The following CTR9 variants were observed in gnomAD, a reference collection of about 807,000 sequenced individuals.
CTR9 encodes the protein RNA polymerase-associated protein CTR9 homolog.
A neutral mutation model predicts 152.1 loss-of-function variants in CTR9; 41 were observed. The ratio of observed to expected loss-of-function variants is 0.27; its 90% CI spans 0.21 to 0.35. The LOEUF (loss-of-function observed/expected upper bound fraction) is 0.35, where lower values mean the gene tolerates loss of function less well. CTR9 is among the 10% of genes least tolerant of loss of function. CTR9 has a pLI of 1.00. For synonymous variants in CTR9, 476 were observed against 496.2 expected, an observed-to-expected ratio of 0.96 and a Z score of 0.54; for missense variants, 917 against 1,424.4, an observed-to-expected ratio of 0.64 and a Z score of 5.73.
chr11:10,759,668 T>A (rs758671028), intron 5 of CTR9, among the ~76,000 whole-genome samples: 1 of 152,228 alleles, frequency 6.6e-6, no homozygotes, highest in Non-Finnish European at 1.5e-5. Flanking sequence ...GCTGGAGCAG[T>A]ATTCTTAAAT....
chr11:10,763,919 C>G, intron 9 of CTR9, 40 bp downstream of exon 9: 2 of 1,494,564 alleles, frequency 1.3e-6, no homozygotes, highest in Non-Finnish European at 1.8e-6. Flanking sequence ...TTTCTGTTAG[C>G]TGTCCCAAAA....
chr11:10,759,532 A>C (rs1862942084), intron 5 of CTR9, among the ~76,000 whole-genome samples: 1 of 152,240 alleles, frequency 6.6e-6, no homozygotes, highest in African/African-American at 2.4e-5. Context: ...TTTGCTATTG[A>C]AGAACAGACA....
intron 6 of CTR9, 130 bp downstream of exon 6, chr11:10,760,451 G>C (rs1862958742): frequency 1.2e-6 from 1 of 846,738 alleles, no homozygotes; most frequent in East Asian, 2.6e-5. Context: ...CCTGTACTTT[G>C]TAATGTATAA....
At chr11:10,754,545 A>G (rs1243870797) in intron 2 of CTR9, among the ~76,000 whole-genome samples, 1 of 152,202 alleles carries the variant, frequency 6.6e-6, no homozygotes, top group Non-Finnish European at 1.5e-5. Context: ...TCACCTTCTG[A>G]AAGTGTCCTC....
Position 10,758,317 on chromosome 11 carries a change from G to C in CTR9, c.592+1479G>C, listed in dbSNP as rs114199228. 7.7e-3 allele frequency among the ~76,000 whole-genome samples: 1,168 copies of C among 152,270 alleles called. 17 individuals carry two copies. Among genetic ancestry groups the C allele is most frequent in the African/African-American group, 0.027 (1,115 of 41,550 alleles). The stretch of plus-strand genomic sequence containing the variant: ...GGGGAGGGGGTCAAGGACAGAAGTA[G>C]GGAGAGCAGGGAGAAGGCATCTGCA... On this transcript the variant is annotated intron_variant, in intron 5 of 24. Transcript: ENST00000361367.
rs1161569998 is a variant in CTR9, at chr11:10,775,313, T to A, written c.2982+10T>A. The A allele has an allele frequency of 6.2e-7, 1 of 1,610,938 alleles. No homozygotes were observed. On this transcript the variant is annotated intron_variant, in intron 23 of 24. Coordinates refer to ENST00000361367, the MANE Select transcript of CTR9 (RefSeq NM_014633.5). ...AGAGAAGAAAAAGGCTGTAAGTTTA[T>A]AGTACTGTGTTTTTCTGTCCCCTAG...
intron 11 of CTR9, 24 bp from the exon 12 acceptor site, chr11:10,764,524 C>T: frequency 6.2e-7 from 1 of 1,603,996 alleles, no homozygotes; most frequent in South Asian, 1.1e-5. Context: ...AATCTTTTAA[C>T]AGTGTGATTT....
At chr11:10,752,566 A>G (rs1480436240) in intron 1 of CTR9, 106 bp from the exon 2 acceptor site, 10 of 758,150 alleles carry the variant, frequency 1.3e-5, no homozygotes, top group Non-Finnish European at 2.1e-5. Flanking sequence ...GAAAGTGAAC[A>G]CGTACTCTAT....
At chr11:10,755,998 A>AAT (rs1862877849) in intron 4 of CTR9, among the ~76,000 whole-genome samples, 1 of 152,242 alleles carries the variant, frequency 6.6e-6, no homozygotes, top group East Asian at 1.9e-4. Context: ...TTTATTATTT[A>AAT]GGCCAGGCAT....
At chr11:10,755,857 C>A in intron 4 of CTR9, 62 bp downstream of exon 4, 2 of 948,816 alleles carry the variant, frequency 2.1e-6, no homozygotes, top group South Asian at 1.5e-5. Flanking sequence ...TAGAATATAT[C>A]TCTTGGTAAT....
At chr11:10,776,427 G>C (rs2135386640) in intron 24 of CTR9, among the ~76,000 whole-genome samples, 2 of 152,294 alleles carry the variant, frequency 1.3e-5, no homozygotes, top group African/African-American at 4.8e-5. Flanking sequence ...AGCAATACTT[G>C]ATTTTATTTG....
In CTR9 at chr11:10,779,118, C is replaced by A; in HGVS notation, c.*13C>A. ...TGATAGTGACTAGGTTTTATTTCAT[C>A]AATAAGCTTCATCTCTGGAGGAAAC... On this transcript the variant is annotated 3_prime_UTR_variant, in exon 25 of 25. Transcript: ENST00000361367. The A allele has an allele frequency of 6.3e-7, 1 of 1,577,900 alleles. No individual in the cohort carries two copies. Among genetic ancestry groups the A allele is most frequent in the Non-Finnish European group, 8.6e-7 (1 of 1,158,832 alleles).
Position 10,764,536 on chromosome 11 carries a change from T to A in CTR9, c.1414-12T>A. On this transcript the variant is annotated splice_polypyrimidine_tract_variant and intron_variant, in intron 11 of 24. Coordinates refer to ENST00000361367, the MANE Select transcript of CTR9 (RefSeq NM_014633.5). ...CTAAATCTTTTAACAGTGTGATTTT[T>A]CTTTCTCATAGAAATATTTTTTGGC... 6.2e-7 allele frequency: 1 copy of A among 1,603,830 alleles called. No individual in the cohort carries two copies. Among genetic ancestry groups the A allele is most frequent in the Non-Finnish European group, 8.5e-7 (1 of 1,172,550 alleles).
chr11:10,768,927 A>G (rs1475406179), intron 16 of CTR9, among the ~76,000 whole-genome samples: 2 of 152,202 alleles, frequency 1.3e-5, no homozygotes, highest in African/African-American at 4.8e-5. Context: ...ATTTAAAAGA[A>G]AACAGGCCAG....
At chr11:10,773,569 C>T (rs1863178044) in intron 21 of CTR9, among the ~76,000 whole-genome samples, 1 of 152,080 alleles carries the variant, frequency 6.6e-6, no homozygotes, top group Non-Finnish European at 1.5e-5. Context: ...TAGCCAAGAA[C>T]CTCTTCCACG....
At chr11:10,760,451 G>T (rs1862958742) in intron 6 of CTR9, 130 bp downstream of exon 6, 2 of 846,738 alleles carry the variant, frequency 2.4e-6, no homozygotes, top group Non-Finnish European at 3.6e-6. Flanking sequence ...CCTGTACTTT[G>T]TAATGTATAA....
rs766606789 is a variant in CTR9, at chr11:10,778,998, G to C, written c.3415G>C (p.Asp1139His). 6.2e-7 allele frequency: 1 copy of C among 1,614,182 alleles called. No individual in the cohort carries two copies. Among genetic ancestry groups the C allele is most frequent in the Non-Finnish European group, 8.5e-7 (1 of 1,180,050 alleles). ...ESDHESERGS[D>H]NEGSGQGSGN... ...AGATCACGAATCGGAGAGAGGATCT[G>C]ATAATGAGGGTTCTGGCCAAGGCTC... The change falls in exon 25 of 25, where the codon GAT becomes CAT. Residue 1139 changes from aspartate to histidine, a missense_variant. This residue lies in a region of CTR9 where 384 missense variants were observed against 398.4 expected (regional missense o/e 0.96). Coordinates refer to ENST00000361367, the MANE Select transcript of CTR9 (RefSeq NM_014633.5).
chr11:10,766,610 C>G, intron 13 of CTR9, 120 bp downstream of exon 13: 2 of 685,788 alleles, frequency 2.9e-6, no homozygotes, highest in South Asian at 4.3e-5. Flanking sequence ...GTTTTGTTTT[C>G]ATTTACTTGT....
intron 7 of CTR9, among the ~76,000 whole-genome samples, 177 bp downstream of exon 7, chr11:10,762,231 T>G (rs1862989585): frequency 1.3e-5 from 2 of 152,228 alleles, no homozygotes; most frequent in African/African-American, 4.8e-5. Flanking sequence ...ATTCATTTAT[T>G]TGCTTAATAT....
Sources: gnomAD v4.1 joint callset for allele counts (sites outside exome capture counted in the v4.1 genomes callset) on GRCh38, gnomAD v4.1.1 for gene constraint, gnomAD v4.1.1 regional missense constraint, MANE v1.5 for transcripts, NCBI Gene and HGNC (gene_info 2026-07-23, HGNC 2026-07-21) for gene names.